IP6K2: variants seen among roughly 807,000 people sequenced by gnomAD.
IP6K2 encodes ATP:1D-myo-inositol-hexakisphosphate phosphotransferase.
In IP6K2, 9 loss-of-function variants were observed where a neutral mutation model predicts 43.3. That is an observed-to-expected ratio of 0.21 (90% CI 0.13 to 0.36). The LOEUF is 0.36. Among genes scored for constraint, IP6K2 ranks in the 10% least tolerant of loss-of-function variants. The pLI is 1.00. For missense variants in IP6K2, 332 were observed against 538.4 expected, an observed-to-expected ratio of 0.62 and a Z score of 3.79; for synonymous variants, 209 against 202.4, an observed-to-expected ratio of 1.03 and a Z score of -0.28.
At chr3:48,691,178 G>A (rs930985535) in intron 4 of IP6K2, 129 bp downstream of exon 4, 4 of 755,388 alleles carry the variant, frequency 5.3e-6, no homozygotes, top group African/African-American at 5.3e-5. Context: ...ACAGGTCCTG[G>A]AATAACCCAG....
chr3:48,713,034 T>C (rs1008310710), intron 1 of IP6K2, among the ~76,000 whole-genome samples: 1 of 151,882 alleles, frequency 6.6e-6, no homozygotes, highest in African/African-American at 2.4e-5. Flanking sequence ...ATAATAATAA[T>C]AAATATATAA....
At chr3:48,689,050 T>G (rs1037718087) in intron 5 of IP6K2, among the ~76,000 whole-genome samples, 3 of 152,236 alleles carry the variant, frequency 2.0e-5, no homozygotes, top group African/African-American at 7.2e-5. Context: ...CCTACTACTA[T>G]CCACAGATTC....
intron 1 of IP6K2, among the ~76,000 whole-genome samples, chr3:48,705,418 T>C (rs1330022573): frequency 6.6e-6 from 1 of 151,076 alleles, no homozygotes; most frequent in East Asian, 2.0e-4. Flanking sequence ...GTGGCTCACA[T>C]CTGTAATCCC....
chr3:48,690,919 C>T (rs1268633420), intron 4 of IP6K2, among the ~76,000 whole-genome samples: 3 of 151,814 alleles, frequency 2.0e-5, no homozygotes, highest in African/African-American at 4.9e-5. Flanking sequence ...AGGTCAGTCT[C>T]CTCACCCAAA....
Position 48,688,913 on chromosome 3 carries a change from T to G in IP6K2, c.781-140A>C. 1.1e-6 allele frequency: 1 copy of G among 903,472 alleles called. No homozygotes were observed. Among genetic ancestry groups the G allele is most frequent in the South Asian group, 1.7e-5 (1 of 58,208 alleles). The allele number at this position is 903,472 out of a possible 1,614,324, so 56.0% of individuals were successfully genotyped here. A position where few individuals can be genotyped will look rare whatever the true frequency, so the allele number is the denominator to read the frequency against. ...TACACCAGTTGCACATGAGCCACTG[T>G]CCACTATGCTCTCTGATCAGCCCCC... On this transcript the variant is annotated intron_variant, in intron 5 of 5. Coordinates refer to ENST00000328631, the MANE Select transcript of IP6K2 (RefSeq NM_016291.4). The surrounding 1 kb of genome is among the most constrained non-coding windows in gnomAD (Gnocchi z 5.1).
chr3:48,693,644 G>C, intron 2 of IP6K2: 2 of 1,111,136 alleles, frequency 1.8e-6, no homozygotes, highest in Non-Finnish European at 2.2e-6. Context: ...AAGCATCCAA[G>C]AGTAAGGGAA....
intron 1 of IP6K2, among the ~76,000 whole-genome samples, chr3:48,706,229 G>GT (rs1272139493): frequency 1.3e-5 from 2 of 152,108 alleles, no homozygotes; most frequent in East Asian, 3.9e-4. Flanking sequence ...GGCCAAGACA[G>GT]TAGGATCACT....
intron 1 of IP6K2, among the ~76,000 whole-genome samples, chr3:48,714,485 T>C (rs2080948589): frequency 2.6e-5 from 4 of 151,374 alleles, no homozygotes. Context: ...CTCCACCCCC[T>C]GGGTTCAAAC....
Position 48,691,446 on chromosome 3 carries a change from T to C in IP6K2, c.465A>G (p.Lys155=), listed in dbSNP as rs1276851279. The change falls in exon 4 of 6, where the codon AAA becomes AAG. Residue 155 remains lysine (K), a synonymous_variant. Coordinates refer to ENST00000328631, the MANE Select transcript of IP6K2 (RefSeq NM_016291.4). ...KLEEEFEWLK[K]SEVLYYTVEK... ...CTACAGTGTAGTACAAGACTTCAGA[T>C]TTCTTTAGCCACTCAAATTCTTCTT... 8.7e-6 allele frequency: 14 copies of C among 1,612,562 alleles called. No individual in the cohort carries two copies. The highest frequency in any genetic ancestry group is 1.2e-5 in the Non-Finnish European group (14 of 1,179,080).
rs950694119 is a variant in IP6K2, at chr3:48,691,408, T to C, written c.503A>G (p.Asn168Ser). 46 of 1,613,092 alleles carry C rather than the reference T, an allele frequency of 2.9e-5. No individual in the cohort carries two copies. Among genetic ancestry groups the C allele is most frequent in the African/African-American group, 4.0e-5 (3 of 74,912 alleles). The change falls in exon 4 of 6, where the codon AAT becomes AGT. Residue 168 changes from asparagine to serine, a missense_variant. Asn to Ser is a conservative substitution (Grantham distance 46, BLOSUM62 1). Transcript: ENST00000328631. ...ATAGTGTTTAAGCTGGGAACTTATA[T>C]TCCCCTTCTTCTCTACAGTGTAGTA... ...VLYYTVEKKG[N>S]ISSQLKHYNP...
intron 2 of IP6K2, chr3:48,693,994 C>CCGTGTA: frequency 2.2e-6 from 3 of 1,367,888 alleles, no homozygotes; most frequent in South Asian, 1.9e-5. Flanking sequence ...GCCTTACAAA[C>CCGTGTA]GACTGGCTGA....
At chr3:48,715,286 TTA>T in intron 1 of IP6K2, 1 of 1,536,052 alleles carries the variant, frequency 6.5e-7, no homozygotes, top group Non-Finnish European at 8.7e-7. Context: ...TGCATCCTCT[TTA>T]TGAGCCAAAC....
Position 48,705,913 on chromosome 3 carries a change from A to AT in IP6K2, c.-130-10493_-130-10492insA, listed in dbSNP as rs573732344. On this transcript the variant is annotated intron_variant, in intron 1 of 5. Transcript: ENST00000328631. ...AAATAATAAAATAAAATAAAATAAA[A>AT]AAAAACAGAAGGACAGGCATAGTGG... is the stretch of plus-strand genomic sequence containing the variant. 1.5e-3 allele frequency among the ~76,000 whole-genome samples: 227 copies of AT among 149,964 alleles called. 2 individuals are homozygous for AT. The highest frequency in any genetic ancestry group is 7.1e-3 in the South Asian group (34 of 4,790).
chr3:48,689,480 C>T, intron 5 of IP6K2, 58 bp downstream of exon 5: 1 of 1,542,686 alleles, frequency 6.5e-7, no homozygotes, highest in South Asian at 1.2e-5. Flanking sequence ...CAGGACTATA[C>T]CAGGGTGGGG....
At chr3:48,693,985 C>G in intron 2 of IP6K2, 5 of 1,369,840 alleles carry the variant, frequency 3.7e-6, no homozygotes, top group South Asian at 3.7e-5. Flanking sequence ...CCGACGAGCG[C>G]CTTACAAACG....
intron 1 of IP6K2, among the ~76,000 whole-genome samples, chr3:48,697,989 T>G (rs1286039183): frequency 6.6e-6 from 1 of 152,156 alleles, no homozygotes; most frequent in Non-Finnish European, 1.5e-5. Flanking sequence ...GAGCAGAGAA[T>G]CTAAACCTAA....
chr3:48,689,514 A>C (rs1290840118), intron 5 of IP6K2, 24 bp downstream of exon 5: 26 of 1,597,308 alleles, frequency 1.6e-5, no homozygotes, highest in Non-Finnish European at 2.1e-5. Flanking sequence ...TGGATGCCCT[A>C]GCCAGCCCTA....
chr3:48,711,936 T>C (rs1247526184), intron 1 of IP6K2, among the ~76,000 whole-genome samples: 1 of 152,028 alleles, frequency 6.6e-6, no homozygotes, highest in Non-Finnish European at 1.5e-5. Flanking sequence ...AAACTGAACT[T>C]ACCACCACCC....
chr3:48,693,754 C>G, intron 2 of IP6K2: 2 of 1,037,830 alleles, frequency 1.9e-6, no homozygotes, highest in Non-Finnish European at 2.3e-6. Flanking sequence ...CACGGGTAGG[C>G]ACCCAGGCCT....
Sources: gnomAD v4.1 joint callset for allele counts (sites outside exome capture counted in the v4.1 genomes callset) on GRCh38, gnomAD v4.1.1 for gene constraint, Gnocchi (gnomAD v3.1) non-coding constraint, MANE v1.5 for transcripts, NCBI Gene and HGNC (gene_info 2026-07-23, HGNC 2026-07-21) for gene names.